ZMYND11: variants seen among roughly 807,000 people sequenced by gnomAD.
ZMYND11 encodes zinc finger MYND-type containing 11.
In ZMYND11, 9 loss-of-function variants were observed where a neutral mutation model predicts 84.9. That is an observed-to-expected ratio of 0.11 (90% CI 0.06 to 0.18). The LOEUF (loss-of-function observed/expected upper bound fraction) is 0.18. Ranked by LOEUF, ZMYND11 falls within the 10% of genes least tolerant of loss-of-function variation. The pLI is 1.00. For synonymous variants in ZMYND11, 250 were observed against 244.1 expected, an observed-to-expected ratio of 1.02 and a Z score of -0.23; for missense variants, 409 against 761.0, an observed-to-expected ratio of 0.54 and a Z score of 5.44.
intron 6 of ZMYND11, among the ~76,000 whole-genome samples, chr10:238,602 C>T (rs751531415): frequency 7.9e-5 from 12 of 152,074 alleles, no homozygotes; most frequent in Non-Finnish European, 1.3e-4. Context: ...GTGATCTGCC[C>T]GCCTCGGCCT....
upstream of ZMYND11, chr10:134,980 A>C (rs1350133271): frequency 6.7e-6 from 1 of 149,238 alleles, no homozygotes. Flanking sequence ...CAGCCGCTAG[A>C]GCCCCCAGTG....
At chr10:248,867 T>G in intron 13 of ZMYND11, 36 bp from the exon 14 acceptor site, 1 of 1,576,008 alleles carries the variant, frequency 6.3e-7, no homozygotes, top group Non-Finnish European at 8.6e-7. Context: ...TGTTAAGTTG[T>G]GTGCTGACGC....
chr10:197,348 C>G (rs990773507), intron 2 of ZMYND11, among the ~76,000 whole-genome samples: 1 of 151,916 alleles, frequency 6.6e-6, no homozygotes, highest in Non-Finnish European at 1.5e-5. Flanking sequence ...TGGAACTTCT[C>G]TTTTTTTTCA....
At chr10:216,478 G>T (rs1035460136) in intron 3 of ZMYND11, among the ~76,000 whole-genome samples, 1 of 152,102 alleles carries the variant, frequency 6.6e-6, no homozygotes, top group Non-Finnish European at 1.5e-5. Flanking sequence ...TATACCTTTT[G>T]TTAATTTTTA....
intron 2 of ZMYND11, among the ~76,000 whole-genome samples, chr10:201,984 G>A (rs141032337): frequency 5.3e-5 from 8 of 152,230 alleles, no homozygotes; most frequent in African/African-American, 1.4e-4. Context: ...TCTTGTTATA[G>A]ATTAAGCAGT....
At chr10:246,614 G>A (rs1434964727) in intron 10 of ZMYND11, 152 bp from the exon 11 acceptor site, 5 of 676,030 alleles carry the variant, frequency 7.4e-6, no homozygotes, top group Admixed American at 2.7e-5. Flanking sequence ...TAAAAGTAAC[G>A]GCAGAACCCA....
intron 6 of ZMYND11, among the ~76,000 whole-genome samples, chr10:238,396 G>A (rs1302941300): frequency 2.6e-5 from 4 of 151,202 alleles, no homozygotes; most frequent in African/African-American, 4.9e-5. Context: ...TCACTCTGTC[G>A]CCCAGGCTGG....
intron 4 of ZMYND11, among the ~76,000 whole-genome samples, chr10:224,612 T>C (rs1306612110): frequency 1.3e-5 from 2 of 152,208 alleles, no homozygotes; most frequent in African/African-American, 4.8e-5. Context: ...TAGTAGGTAA[T>C]ATTCTCACAG....
At chr10:186,603 G>A (rs1045259708) in intron 2 of ZMYND11, among the ~76,000 whole-genome samples, 23 of 134,428 alleles carry the variant, frequency 1.7e-4, no homozygotes, top group African/African-American at 6.0e-4. Context: ...CTGAGATCGG[G>A]CCACTGCACT....
rs1405432670 is a variant in ZMYND11 at position 135,919 on chromosome 10, C to T, written c.-20+360C>T. Among the ~76,000 whole-genome samples the T allele has an allele frequency of 6.6e-6, 1 of 151,352 alleles. No individual in the cohort carries two copies. The highest frequency in any genetic ancestry group is 1.5e-5 in the Non-Finnish European group (1 of 67,744). ...GTCGCGTGAGCACCGCCCGCCGGGCCCTGTGCCCCGCTTTCGGTCAGGCCT... is the reference window on the plus strand; with the variant it reads ...GTCGCGTGAGCACCGCCCGCCGGGCTCTGTGCCCCGCTTTCGGTCAGGCCT... On this transcript the variant is annotated intron_variant, in intron 1 of 14. Transcript: ENST00000381604. The surrounding 1 kb of genome is among the most constrained non-coding windows in gnomAD (Gnocchi z 5.6).
At chr10:141,470 G>A (rs534486980) in intron 1 of ZMYND11, among the ~76,000 whole-genome samples, 6 of 152,268 alleles carry the variant, frequency 3.9e-5, no homozygotes, top group African/African-American at 1.2e-4. Flanking sequence ...ACTGCACTCC[G>A]ACCTGGGTAC....
intron 1 of ZMYND11, among the ~76,000 whole-genome samples, chr10:141,096 C>T (rs1837397244): frequency 6.6e-6 from 1 of 152,178 alleles, no homozygotes; most frequent in Non-Finnish European, 1.5e-5. Context: ...ACAGTATTTT[C>T]ATTTTTCTGT....
chr10:156,757 T>G (rs1229155783), intron 1 of ZMYND11, among the ~76,000 whole-genome samples: 2 of 152,206 alleles, frequency 1.3e-5, no homozygotes, highest in East Asian at 1.9e-4. Flanking sequence ...AATTTCAGGT[T>G]GTTTGGTCTG....
At chr10:171,803 C>G (rs557645411) in intron 1 of ZMYND11, among the ~76,000 whole-genome samples, 37 of 152,262 alleles carry the variant, frequency 2.4e-4, no homozygotes, top group Non-Finnish European at 4.7e-4. Flanking sequence ...TGAAGCTTTT[C>G]CATTAAGATC....
chr10:169,899 A>G (rs537031830), intron 1 of ZMYND11, among the ~76,000 whole-genome samples: 16 of 152,288 alleles, frequency 1.1e-4, no homozygotes, highest in African/African-American at 3.8e-4. Flanking sequence ...AAAATGCTTG[A>G]CAATTTCACC....
intron 8 of ZMYND11, 70 bp from the exon 9 acceptor site, chr10:240,823 G>A: frequency 9.0e-7 from 1 of 1,108,364 alleles, no homozygotes; most frequent in South Asian, 1.4e-5. Flanking sequence ...AATTTACATG[G>A]ATACATTTTA....
Position 252,553 on chromosome 10 carries a change from G to A in ZMYND11, c.*83G>A. The A allele has an allele frequency of 6.6e-7, 1 of 1,510,428 alleles. No homozygotes were observed. Among genetic ancestry groups the A allele is most frequent in the Middle Eastern group, 2.3e-4 (1 of 4,264 alleles). The allele number at this position is 1,510,428 out of a possible 1,614,324, so 93.6% of individuals were successfully genotyped here. A position where few individuals can be genotyped will look rare whatever the true frequency, so the allele number is the denominator to read the frequency against. ...GTTTCCAAGAAGCCAAAATTGTTTA[G>A]AATTTGCTTCCCATTTTGCACCAGC... On this transcript the variant is annotated 3_prime_UTR_variant, in exon 15 of 15. Coordinates refer to ENST00000381604, the MANE Select transcript of ZMYND11 (RefSeq NM_001370100.5). This position sits in a 1 kb window ranked among gnomAD's most constrained non-coding sequence, Gnocchi z 4.6.
chr10:135,581 G>T lies in ZMYND11; in HGVS notation c.-20+22G>T, dbSNP rs1424736054. Reference sequence around the variant, plus strand: ...AATGGTGGGGAAAGCTCGGCGGCGGGGCGGCGGGGCGGGCGGGGGCGTCCG... The same window carrying T: ...AATGGTGGGGAAAGCTCGGCGGCGGTGCGGCGGGGCGGGCGGGGGCGTCCG... On this transcript the variant is annotated intron_variant, in intron 1 of 14. Coordinates refer to ENST00000381604, the MANE Select transcript of ZMYND11 (RefSeq NM_001370100.5). This position sits in a 1 kb window ranked among gnomAD's most constrained non-coding sequence, Gnocchi z 5.6. 6.6e-6 allele frequency: 1 copy of T among 150,618 alleles called. No individual in the cohort carries two copies. Among genetic ancestry groups the T allele is most frequent in the African/African-American group, 2.4e-5 (1 of 41,128 alleles). 9.3% of individuals were successfully genotyped at this position (150,618 alleles called of 1,614,324 possible).
chr10:161,716 T>A (rs1276324029), intron 1 of ZMYND11, among the ~76,000 whole-genome samples: 1 of 152,200 alleles, frequency 6.6e-6, no homozygotes, highest in African/African-American at 2.4e-5. Context: ...TCTGCAATCT[T>A]CAGACTTTTC....
Sources: allele counts gnomAD v4.1 joint callset (sites outside exome capture counted in the v4.1 genomes callset), GRCh38; gene constraint gnomAD v4.1.1; non-coding constraint Gnocchi (gnomAD v3.1); transcripts MANE v1.5; gene names NCBI Gene and HGNC (gene_info 2026-07-23, HGNC 2026-07-21).